ADCY2: variants seen among roughly 807,000 people sequenced by gnomAD.
ADCY2 encodes the protein adenylate cyclase 2.
Under a neutral mutation model 125.2 loss-of-function variants are expected in ADCY2, and 31 were observed. The observed-to-expected ratio is 0.25, with a 90% confidence interval of 0.19 to 0.33. The LOEUF (loss-of-function observed/expected upper bound fraction) is 0.33, where lower values mean the gene tolerates loss of function less well. Among genes scored for constraint, ADCY2 ranks in the 10% least tolerant of loss-of-function variants. ADCY2 has a pLI of 1.00. For missense variants in ADCY2, 904 were observed against 1,418.2 expected (o/e 0.64, Z 5.82); for synonymous variants, 512 against 548.4 (o/e 0.93, Z 0.93).
chr5:7,438,204 C>G (rs913733456), intron 2 of ADCY2, among the ~76,000 whole-genome samples: 1 of 152,152 alleles, frequency 6.6e-6, no homozygotes, highest in African/African-American at 2.4e-5. Flanking sequence ...TTGAAAGCCT[C>G]AAAACTGACT....
intron 3 of ADCY2, among the ~76,000 whole-genome samples, chr5:7,557,828 T>C (rs1254428211): frequency 6.6e-6 from 1 of 152,232 alleles, no homozygotes; most frequent in East Asian, 1.9e-4. Flanking sequence ...TGAACATACA[T>C]GTGCATCTGT....
intron 3 of ADCY2, among the ~76,000 whole-genome samples, chr5:7,523,539 A>G (rs1267024766): frequency 6.6e-6 from 1 of 152,230 alleles, no homozygotes; most frequent in Non-Finnish European, 1.5e-5. Context: ...CTCAGAAACA[A>G]TTTCACAGTA....
chr5:7,607,020 C>T (rs1737399830), intron 3 of ADCY2, among the ~76,000 whole-genome samples: 2 of 152,098 alleles, frequency 1.3e-5, no homozygotes, highest in African/African-American at 4.8e-5. Context: ...TGAGCTTGGG[C>T]CTCAGCTGTC....
Position 7,617,160 on chromosome 5 carries a change from C to G in ADCY2, c.571-9007C>G, listed in dbSNP as rs1407316002. ...CTGCCATGGGAGACAAAGCATTCCT[C>G]CCCTGCAGAGGCTGCCGTGTTCAAG... On this transcript the variant is annotated intron_variant, in intron 3 of 24. Transcript: ENST00000338316. Among the ~76,000 whole-genome samples the G allele has an allele frequency of 6.6e-5, 10 of 152,262 alleles. No homozygotes were observed. The East Asian group carries it at 1.9e-3, about 29-fold the overall frequency.
At position 7,773,007 on chromosome 5, in the gene ADCY2, T is replaced by A; in HGVS notation, c.2290T>A (p.Leu764Met). The change falls in exon 18 of 25, where the codon TTG (leucine) becomes ATG (methionine). Residue 764 changes from leucine to methionine, a missense_variant. This residue lies in a region of ADCY2 where 221 missense variants were observed against 246.2 expected (regional missense o/e 0.90). Coordinates refer to ENST00000338316, the MANE Select transcript of ADCY2 (RefSeq NM_020546.3). ...FLRVNYELKM[L>M]IMMVALVGYN... ...GCGGGTAAACTATGAGCTGAAGATG[T>A]TGATCATGATGGTGGCCTTGGTGGG... is the stretch of plus-strand genomic sequence containing the variant. 1 of 1,614,200 alleles carries A rather than the reference T, an allele frequency of 6.2e-7. No homozygotes were observed. The highest frequency in any genetic ancestry group is 8.5e-7 in the Non-Finnish European group (1 of 1,180,024).
intron 3 of ADCY2, among the ~76,000 whole-genome samples, chr5:7,608,989 C>T (rs1016240282): frequency 6.6e-6 from 1 of 152,194 alleles, no homozygotes; most frequent in Non-Finnish European, 1.5e-5. Flanking sequence ...CCACCCACTT[C>T]CCCTTTTTTA....
Position 7,543,571 on chromosome 5 carries a change from TGAA to T in ADCY2, c.570+22674_570+22676del, listed in dbSNP as rs552653773. Among the ~76,000 whole-genome samples the T allele has an allele frequency of 1.6e-3, 237 of 152,260 alleles. 1 individual carries two copies. Among genetic ancestry groups the T allele is most frequent in the East Asian group, 0.01 (54 of 5,176 alleles). ...AGTCCCTTCACACATGTGAAACCGATGAAGGTTTTATTAGGTTGGTGCAAGAGT... is the reference window on the plus strand; with the variant it reads ...AGTCCCTTCACACATGTGAAACCGATGGTTTTATTAGGTTGGTGCAAGAGT... On this transcript the variant is annotated intron_variant, in intron 3 of 24. Coordinates refer to ENST00000338316, the MANE Select transcript of ADCY2 (RefSeq NM_020546.3).
Position 7,504,564 on chromosome 5 carries a change from T to C in ADCY2, c.409-16174T>C, listed in dbSNP as rs186012383. On this transcript the variant is annotated intron_variant, in intron 2 of 24. Transcript: ENST00000338316. ...CACTGTTCAGCAAGAAGTACCATTT[T>C]TTCTTATCTTTGAAGTGATTTCTTT... Among the ~76,000 whole-genome samples the C allele has an allele frequency of 2.9e-3, 444 of 152,208 alleles. 11 individuals carry two copies. The highest frequency in any genetic ancestry group is 6.9e-4 in the Non-Finnish European group (47 of 68,020).
intron 1 of ADCY2, among the ~76,000 whole-genome samples, chr5:7,411,353 C>T (rs895430471): frequency 6.6e-6 from 1 of 152,160 alleles, no homozygotes; most frequent in Non-Finnish European, 1.5e-5. Flanking sequence ...TATGCAGAAC[C>T]CACCTGCTAA....
chr5:7,826,879 CCTT>C lies in ADCY2; in HGVS notation c.*10_*12del. 6.3e-7 allele frequency: 1 copy of C among 1,591,986 alleles called. No homozygotes were observed. Among genetic ancestry groups the C allele is most frequent in the Non-Finnish European group, 8.5e-7 (1 of 1,171,976 alleles). ...AGCAACGTGGCATCCTGAAGAGTCACCTTCATTTTGGCAAGAAGACTGTATTTT... is the reference window on the plus strand; with the variant it reads ...AGCAACGTGGCATCCTGAAGAGTCACCATTTTGGCAAGAAGACTGTATTTT... On this transcript the variant is annotated 3_prime_UTR_variant, in exon 25 of 25. Transcript: ENST00000338316.
intron 3 of ADCY2, among the ~76,000 whole-genome samples, chr5:7,546,369 A>G (rs1297142650): frequency 6.6e-6 from 1 of 152,202 alleles, no homozygotes; most frequent in Non-Finnish European, 1.5e-5. Context: ...GCAGTTTCCA[A>G]GGTGTTTGAC....
chr5:7,772,437 A>G (rs1275033905), intron 17 of ADCY2, among the ~76,000 whole-genome samples: 1 of 152,224 alleles, frequency 6.6e-6, no homozygotes, highest in Non-Finnish European at 1.5e-5. Flanking sequence ...AGGCCCTCTG[A>G]CACACAATTT....
intron 2 of ADCY2, among the ~76,000 whole-genome samples, chr5:7,440,672 G>A (rs1740979420): frequency 1.3e-5 from 2 of 152,182 alleles, no homozygotes; most frequent in South Asian, 4.1e-4. Flanking sequence ...GATTAAAGAT[G>A]CCAGTGATCC....
intron 3 of ADCY2, among the ~76,000 whole-genome samples, chr5:7,541,795 C>T (rs1429872511): frequency 6.6e-6 from 1 of 152,032 alleles, no homozygotes; most frequent in Admixed American, 6.6e-5. Context: ...GAGATTTCAT[C>T]CAGTTAGAAC....
At chr5:7,740,881 A>G (rs1190908438) in intron 14 of ADCY2, among the ~76,000 whole-genome samples, 1 of 152,112 alleles carries the variant, frequency 6.6e-6, no homozygotes, top group African/African-American at 2.4e-5. Flanking sequence ...AACAAATGAC[A>G]ATCCAAGATA....
At chr5:7,702,376 C>G (rs1349564597) in intron 7 of ADCY2, among the ~76,000 whole-genome samples, 2 of 151,812 alleles carry the variant, frequency 1.3e-5, no homozygotes, top group African/African-American at 4.8e-5. Flanking sequence ...TATCCCTCCC[C>G]GCTCCTCCCA....
intron 2 of ADCY2, among the ~76,000 whole-genome samples, chr5:7,423,297 T>C (rs1230399350): frequency 2.0e-5 from 3 of 152,184 alleles, no homozygotes; most frequent in Non-Finnish European, 4.4e-5. Flanking sequence ...TTATCCCTAC[T>C]GTGAGTTCCC....
At chr5:7,798,432 C>T (rs1424377847) in intron 20 of ADCY2, 2 of 152,274 alleles carry the variant, frequency 1.3e-5, no homozygotes, top group Middle Eastern at 3.4e-3. Flanking sequence ...TTTGGAAAAC[C>T]CAGCTAGCAA....
intron 6 of ADCY2, among the ~76,000 whole-genome samples, chr5:7,696,334 T>C (rs1398382820): frequency 2.6e-5 from 4 of 152,200 alleles, no homozygotes; most frequent in African/African-American, 9.6e-5. Context: ...CTTCACTTAC[T>C]CTTGTCTCAT....
Sources: gnomAD v4.1 joint callset for allele counts (sites outside exome capture counted in the v4.1 genomes callset) on GRCh38, gnomAD v4.1.1 for gene constraint, gnomAD v4.1.1 regional missense constraint, MANE v1.5 for transcripts, NCBI Gene and HGNC (gene_info 2026-07-23, HGNC 2026-07-21) for gene names.